UBOX5: variants seen among roughly 807,000 people sequenced by gnomAD.
The protein encoded by UBOX5 is U-box domain containing 5.
Under a neutral mutation model 39.0 loss-of-function variants are expected in UBOX5, and 28 were observed. The ratio of observed to expected loss-of-function variants is 0.72; its 90% CI spans 0.53 to 0.98. UBOX5 has a LOEUF of 0.98. Among genes scored for constraint, UBOX5 ranks in the 50% least tolerant of loss-of-function variants. UBOX5 has a pLI of 0.00. For synonymous variants in UBOX5, 283 were observed against 275.5 expected, an observed-to-expected ratio of 1.03 and a Z score of -0.27; for missense variants, 585 against 674.4, an observed-to-expected ratio of 0.87 and a Z score of 1.47.
intron 1 of UBOX5, among the ~76,000 whole-genome samples, chr20:3,152,399 G>A (rs1235904267): frequency 1.3e-5 from 2 of 152,068 alleles, no homozygotes; most frequent in Non-Finnish European, 2.9e-5. Flanking sequence ...CTACTCGGGA[G>A]GCTGAGGCGG....
chr20:3,119,764 G>A (rs1399978885), intron 3 of UBOX5, among the ~76,000 whole-genome samples: 2 of 152,138 alleles, frequency 1.3e-5, no homozygotes, highest in East Asian at 1.9e-4. Context: ...TGAGGCAGGA[G>A]AATTGCTTGA....
At chr20:3,148,937 T>C (rs2066597154) in intron 1 of UBOX5, 1 of 1,614,102 alleles carries the variant, frequency 6.2e-7, no homozygotes, top group Non-Finnish European at 8.5e-7. Flanking sequence ...GCTAATGTGT[T>C]CTGGAGGGTC....
At position 3,108,714 on chromosome 20, in the gene UBOX5, C is replaced by CATG. The variant is rs2066229587; in HGVS notation, c.*1391_*1392insCAT. On this transcript the variant is annotated 3_prime_UTR_variant, in exon 5 of 5. Coordinates refer to ENST00000217173, the MANE Select transcript of UBOX5 (RefSeq NM_014948.4). Reference sequence around the variant, plus strand: ...CAATCCAAGCACTTTGGGAGGATCGCTTGAGCCCAGGAGTTTGAGACCAGT... The same window carrying CATG: ...CAATCCAAGCACTTTGGGAGGATCGCATGTTGAGCCCAGGAGTTTGAGACCAGT... The CATG allele has an allele frequency of 7.1e-6, 1 of 139,892 alleles. No homozygotes were observed. The highest frequency in any genetic ancestry group is 7.2e-5 in the Admixed American group (1 of 13,934). The allele number at this position is 139,892 out of a possible 1,614,324, so 8.7% of individuals were successfully genotyped here.
At chr20:3,123,948 G>A (rs1196385265) in intron 1 of UBOX5, among the ~76,000 whole-genome samples, 1 of 152,184 alleles carries the variant, frequency 6.6e-6, no homozygotes, top group Non-Finnish European at 1.5e-5. Flanking sequence ...AACAATTTGG[G>A]AGGCTGAGGT....
At chr20:3,134,879 AT>A (rs2066457753) in intron 1 of UBOX5, among the ~76,000 whole-genome samples, 1 of 151,914 alleles carries the variant, frequency 6.6e-6, no homozygotes, top group Non-Finnish European at 1.5e-5. Context: ...AAAAAAAAAA[AT>A]TTATATACAT....
intron 1 of UBOX5, among the ~76,000 whole-genome samples, chr20:3,131,237 AAAAAG>A (rs1278543116): frequency 4.5e-4 from 68 of 152,204 alleles, no homozygotes; most frequent in African/African-American, 1.6e-3. Flanking sequence ...TCAAAAAAAA[AAAAAG>A]AAAATGCCTC....
chr20:3,127,200 C>T (rs2066397298), intron 1 of UBOX5, among the ~76,000 whole-genome samples: 1 of 152,132 alleles, frequency 6.6e-6, no homozygotes, highest in Admixed American at 6.5e-5. Flanking sequence ...TTGGTGAGGC[C>T]AGCCAGCCAT....
intron 1 of UBOX5, among the ~76,000 whole-genome samples, chr20:3,140,006 CCTTTTTA>C (rs1252642229): frequency 7.0e-6 from 1 of 143,386 alleles, no homozygotes; most frequent in African/African-American, 2.6e-5. Flanking sequence ...CCACACTCGG[CCTTTTTA>C]CTTTTTTTTT....
intron 1 of UBOX5, among the ~76,000 whole-genome samples, chr20:3,141,998 G>A (rs1228978651): frequency 1.3e-5 from 2 of 151,844 alleles, no homozygotes; most frequent in African/African-American, 4.8e-5. Flanking sequence ...GGGCAACAGA[G>A]TGAGACCCTT....
chr20:3,120,754 C>G (rs146208736), intron 3 of UBOX5, among the ~76,000 whole-genome samples: 1 of 152,278 alleles, frequency 6.6e-6, no homozygotes, highest in Non-Finnish European at 1.5e-5. Flanking sequence ...TTTGTCCACA[C>G]ATTTACTGAG....
chr20:3,130,970 A>G (rs895815213), intron 1 of UBOX5, among the ~76,000 whole-genome samples: 2 of 152,082 alleles, frequency 1.3e-5, no homozygotes, highest in East Asian at 1.9e-4. Flanking sequence ...AGTGGCTCAC[A>G]CCTGTAATCC....
intron 3 of UBOX5, chr20:3,116,723 A>G (rs2066296246): frequency 6.6e-6 from 1 of 152,238 alleles, no homozygotes; most frequent in East Asian, 1.9e-4. Flanking sequence ...TAAGCATAGT[A>G]TTTGCATAGT....
intron 4 of UBOX5, among the ~76,000 whole-genome samples, chr20:3,114,138 A>T (rs2066275588): frequency 6.6e-6 from 1 of 152,222 alleles, no homozygotes; most frequent in Admixed American, 6.5e-5. Flanking sequence ...CCATCTTAAA[A>T]AAAGAAAAAA....
chr20:3,143,278 T>C (rs961137190), intron 1 of UBOX5, among the ~76,000 whole-genome samples: 2 of 151,778 alleles, frequency 1.3e-5, no homozygotes, highest in African/African-American at 4.8e-5. Context: ...AATTTTTGCA[T>C]TTTTAGTAGA....
At chr20:3,136,474 C>T (rs947054899) in intron 1 of UBOX5, among the ~76,000 whole-genome samples, 1 of 151,820 alleles carries the variant, frequency 6.6e-6, no homozygotes, top group African/African-American at 2.4e-5. Flanking sequence ...CCACCTCAGC[C>T]TCCCGAGTAG....
chr20:3,126,051 TG>T (rs1223092909), intron 1 of UBOX5, among the ~76,000 whole-genome samples: 4 of 152,152 alleles, frequency 2.6e-5, no homozygotes, highest in Non-Finnish European at 5.9e-5. Context: ...ATGATGACAA[TG>T]GCGGTTTTGT....
intron 1 of UBOX5, among the ~76,000 whole-genome samples, chr20:3,143,737 G>C (rs1223373796): frequency 6.6e-6 from 1 of 152,174 alleles, no homozygotes; most frequent in Admixed American, 6.5e-5. Context: ...AGCTTGCAGT[G>C]AGTCGAGATC....
intron 1 of UBOX5, among the ~76,000 whole-genome samples, chr20:3,125,517 C>T (rs2066378031): frequency 1.4e-5 from 2 of 142,924 alleles, no homozygotes; most frequent in Non-Finnish European, 1.5e-5. Context: ...TGAGGAGTGC[C>T]TCTGCCCGGC....
In UBOX5 at chr20:3,121,368, C is replaced by T. The variant is rs376273726; in HGVS notation, c.1255+16G>A. 9.2e-5 allele frequency: 147 copies of T among 1,593,068 alleles called. No homozygotes were observed. The African/African-American group carries it at 1.9e-3, about 20-fold the overall frequency. ...AGATGGATGAGCCTGGCTGCGGACA[C>T]AGGATGCTGAATTACCTGTCGAGCA... On this transcript the variant is annotated intron_variant, in intron 3 of 4. Transcript: ENST00000217173.
Sources: gnomAD v4.1 joint callset for allele counts (sites outside exome capture counted in the v4.1 genomes callset) on GRCh38, gnomAD v4.1.1 for gene constraint, MANE v1.5 for transcripts, NCBI Gene and HGNC (gene_info 2026-07-23, HGNC 2026-07-21) for gene names.